Variants in ASIC2 observed in about 807,000 individuals in gnomAD.
ASIC2 encodes acid sensing ion channel subunit 2, also known as acid-sensing ion channel 2.
A neutral mutation model predicts 57.3 loss-of-function variants in ASIC2; 25 were observed. That is an observed-to-expected ratio of 0.44 (90% CI 0.32 to 0.61). The LOEUF (loss-of-function observed/expected upper bound fraction) is 0.61, where lower values mean the gene tolerates loss of function less well. ASIC2 is among the 20% of genes least tolerant of loss of function. The pLI is 0.06. For missense variants in ASIC2, 641 were observed against 738.1 expected (o/e 0.87, Z 1.52); for synonymous variants, 319 against 307.5 (o/e 1.04, Z -0.39).
intron 1 of ASIC2, among the ~76,000 whole-genome samples, chr17:33,846,957 C>A (rs12949153): frequency 0.025 from 3,836 of 151,984 alleles, 180 homozygotes; most frequent in African/African-American, 0.088. Flanking sequence ...TGTGTCATCT[C>A]CTCTTATCCT....
Position 33,502,733 on chromosome 17 carries a change from G to A in ASIC2, c.556-390666C>T, listed in dbSNP as rs186972072. Among the ~76,000 whole-genome samples the A allele has an allele frequency of 7.1e-4, 108 of 152,270 alleles. 1 individual carries two copies. The highest frequency in any genetic ancestry group is 1.8e-3 in the Admixed American group (28 of 15,306). The stretch of plus-strand genomic sequence containing the variant: ...AGTTCTTCTTTTTCTGGGTCCCAGT[G>A]TCCGCATCCTTAAAATGGGTTGGCC... On this transcript the variant is annotated intron_variant, in intron 1 of 9. Coordinates refer to the ASIC2 transcript ENST00000359872.
chr17:33,568,015 G>A (rs1379519896), intron 1 of ASIC2, among the ~76,000 whole-genome samples: 1 of 152,010 alleles, frequency 6.6e-6, no homozygotes, highest in African/African-American at 2.4e-5. Context: ...TACCTTACTT[G>A]GTCACCACCA....
intron 3 of ASIC2, among the ~76,000 whole-genome samples, chr17:33,069,880 T>C (rs577026797): frequency 3.7e-4 from 57 of 152,370 alleles, no homozygotes; most frequent in African/African-American, 1.3e-3. Flanking sequence ...TATTTTGTTA[T>C]ATGTGTTCTA....
intron 1 of ASIC2, among the ~76,000 whole-genome samples, chr17:33,591,581 G>T (rs916046002): frequency 1.3e-5 from 2 of 152,178 alleles, no homozygotes; most frequent in Non-Finnish European, 2.9e-5. Context: ...GCTGCTAGGG[G>T]TAGTGGGTCT....
chr17:33,565,653 C>T (rs1916211199), intron 1 of ASIC2: 1 of 152,236 alleles, frequency 6.6e-6, no homozygotes, highest in Non-Finnish European at 1.5e-5. Flanking sequence ...AGGATAATCC[C>T]ATTCCCCCTA....
intron 1 of ASIC2, among the ~76,000 whole-genome samples, chr17:33,594,265 C>A (rs1904912834): frequency 6.6e-6 from 1 of 152,236 alleles, no homozygotes; most frequent in Non-Finnish European, 1.5e-5. Context: ...CAGCTGCCTG[C>A]TTTCAGAGCT....
chr17:34,056,197 C>A (rs1989943), intron 1 of ASIC2, among the ~76,000 whole-genome samples: 44,646 of 152,012 alleles, frequency 0.29, 6,805 homozygotes, highest in East Asian at 0.41. Flanking sequence ...GGAGGAAGAA[C>A]AATAATTTAG....
intron 1 of ASIC2, among the ~76,000 whole-genome samples, chr17:33,659,744 C>T (rs865787997): frequency 1.3e-5 from 2 of 151,666 alleles, no homozygotes; most frequent in Non-Finnish European, 2.9e-5. Context: ...AGGTGGCAGG[C>T]GCCTGTAGTC....
In ASIC2 at chr17:34,086,436, T is replaced by G. The variant is rs1193116326; in HGVS notation, c.555+69542A>C. 6.8e-4 allele frequency among the ~76,000 whole-genome samples: 103 copies of G among 152,212 alleles called. 1 individual carries two copies. The highest frequency in any genetic ancestry group is 2.1e-3 in the African/African-American group (87 of 41,530). The stretch of plus-strand genomic sequence containing the variant: ...TTATAATTTCTGTTCTTTTACATTT[T>G]CTGAGGAGAGCTTTACTTCCAACTA... On this transcript the variant is annotated intron_variant, in intron 1 of 9. Transcript: ENST00000359872.
chr17:34,036,102 G>A (rs1907864445), intron 1 of ASIC2, among the ~76,000 whole-genome samples: 1 of 151,950 alleles, frequency 6.6e-6, no homozygotes, highest in Non-Finnish European at 1.5e-5. Flanking sequence ...ATTCACAATA[G>A]CAAAGACTTG....
intron 1 of ASIC2, among the ~76,000 whole-genome samples, chr17:33,413,507 C>T (rs1165662719): frequency 3.3e-5 from 5 of 152,314 alleles, no homozygotes; most frequent in Middle Eastern, 3.4e-3. Context: ...AAGCCACTGC[C>T]GTTTCTCACC....
intron 1 of ASIC2, among the ~76,000 whole-genome samples, chr17:34,136,548 C>T (rs9894080): frequency 0.13 from 19,085 of 152,242 alleles, 1,366 homozygotes; most frequent in African/African-American, 0.19. Flanking sequence ...CAATCAATTG[C>T]CAATCAGAAA....
chr17:33,160,383 C>G (rs1905130181), intron 1 of ASIC2, among the ~76,000 whole-genome samples: 1 of 152,174 alleles, frequency 6.6e-6, no homozygotes, highest in Non-Finnish European at 1.5e-5. Flanking sequence ...AAACTCTGAA[C>G]TCAAGACTTG....
chr17:33,278,949 AG>A (rs1904827291), intron 1 of ASIC2, among the ~76,000 whole-genome samples: 1 of 152,196 alleles, frequency 6.6e-6, no homozygotes, highest in Non-Finnish European at 1.5e-5. Context: ...TTGCAATAAA[AG>A]ACCGAGAAAG....
chr17:33,530,596 C>T (rs1171413628), intron 1 of ASIC2, among the ~76,000 whole-genome samples: 1 of 152,214 alleles, frequency 6.6e-6, no homozygotes, highest in African/African-American at 2.4e-5. Context: ...CAGATGGGAG[C>T]ATGAGGCCTT....
intron 1 of ASIC2, among the ~76,000 whole-genome samples, chr17:33,516,528 C>A (rs781549248): frequency 4.6e-5 from 7 of 152,058 alleles, no homozygotes; most frequent in Non-Finnish European, 1.0e-4. Context: ...CTTGAAAATG[C>A]CGATATTCAG....
intron 1 of ASIC2, among the ~76,000 whole-genome samples, chr17:33,140,792 G>T (rs1406195816): frequency 3.3e-5 from 5 of 152,242 alleles, no homozygotes; most frequent in Non-Finnish European, 7.3e-5. Flanking sequence ...TAAATAAGCT[G>T]CTCTGTGAGA....
intron 1 of ASIC2, among the ~76,000 whole-genome samples, chr17:33,359,399 C>T (rs1303774742): frequency 6.6e-6 from 1 of 152,170 alleles, no homozygotes; most frequent in African/African-American, 2.4e-5. Context: ...AGGATTCGAT[C>T]TTAGAAGAAA....
chr17:33,364,123 C>G (rs1908716182), intron 1 of ASIC2, among the ~76,000 whole-genome samples: 1 of 152,142 alleles, frequency 6.6e-6, no homozygotes, highest in African/African-American at 2.4e-5. Context: ...AGAAGGGTCA[C>G]AAGTGGAACT....
Sources: gnomAD v4.1 joint callset for allele counts (sites outside exome capture counted in the v4.1 genomes callset) on GRCh38, gnomAD v4.1.1 for gene constraint, MANE v1.5 for transcripts, NCBI Gene and HGNC (gene_info 2026-07-23, HGNC 2026-07-21) for gene names.